ADARB1: variants seen among roughly 807,000 people sequenced by gnomAD.
The protein encoded by ADARB1 is adenosine deaminase RNA specific B1, also known as double-stranded RNA-specific editase 1.
In ADARB1, 10 loss-of-function variants were observed where a neutral mutation model predicts 52.4. The observed-to-expected ratio is 0.19, with a 90% confidence interval of 0.12 to 0.32. ADARB1 has a LOEUF of 0.32. ADARB1 is among the 10% of genes least tolerant of loss of function. The pLI is 1.00. For missense variants in ADARB1, 643 were observed against 922.3 expected (o/e 0.70, Z 3.92); for synonymous variants, 349 against 371.1 (o/e 0.94, Z 0.68).
intron 1 of ADARB1, among the ~76,000 whole-genome samples, chr21:45,098,272 C>G (rs1008713539): frequency 6.6e-6 from 1 of 151,858 alleles, no homozygotes; most frequent in Non-Finnish European, 1.5e-5. Flanking sequence ...CCATCTGTCT[C>G]CAGATCCCTT....
chr21:45,124,874 T>G (rs2088481086), intron 1 of ADARB1, among the ~76,000 whole-genome samples: 1 of 151,370 alleles, frequency 6.6e-6, no homozygotes, highest in Non-Finnish European at 1.5e-5. Context: ...CTCAGCTCAC[T>G]GCAGCCTCGA....
At chr21:45,130,388 T>C (rs576210936) in intron 2 of ADARB1, among the ~76,000 whole-genome samples, 20 of 152,330 alleles carry the variant, frequency 1.3e-4, no homozygotes, top group African/African-American at 4.8e-4. Flanking sequence ...AAGCATGTGC[T>C]GAGAAAGCAA....
rs1217472144 is a variant in ADARB1, at chr21:45,142,683, G to A, written c.-48+14110G>A. On this transcript the variant is annotated intron_variant, in intron 2 of 10. Coordinates refer to ENST00000348831, the MANE Select transcript of ADARB1 (RefSeq NM_001112.4). The surrounding 1 kb of genome is among the most constrained non-coding windows in gnomAD (Gnocchi z 4.0). Reference sequence around the variant, plus strand: ...GGCTGCTCCCCATGAGGTGGTGGGAGCCGTGTGGGATCTGCCTACTGGGTG... The same window carrying A: ...GGCTGCTCCCCATGAGGTGGTGGGAACCGTGTGGGATCTGCCTACTGGGTG... 6.6e-6 allele frequency among the ~76,000 whole-genome samples: 1 copy of A among 152,190 alleles called. No individual in the cohort carries two copies. The highest frequency in any genetic ancestry group is 2.4e-5 in the African/African-American group (1 of 41,462).
intron 2 of ADARB1, among the ~76,000 whole-genome samples, chr21:45,149,362 C>G (rs922531591): frequency 1.3e-5 from 2 of 152,256 alleles, no homozygotes; most frequent in African/African-American, 4.8e-5. Context: ...TGGGGGCACT[C>G]AGGTGGCCCT....
At chr21:45,084,526 T>C (rs2086266745) in intron 1 of ADARB1, among the ~76,000 whole-genome samples, 1 of 152,218 alleles carries the variant, frequency 6.6e-6, no homozygotes, top group Non-Finnish European at 1.5e-5. Flanking sequence ...ATTGATCCCT[T>C]TCTCTGTTTC....
chr21:45,078,192 G>T (rs1482905611), intron 1 of ADARB1, among the ~76,000 whole-genome samples: 6 of 152,194 alleles, frequency 3.9e-5, no homozygotes, highest in Admixed American at 3.9e-4. Context: ...CAGGAAGGGG[G>T]ATGAAAGTAA....
intron 2 of ADARB1, among the ~76,000 whole-genome samples, chr21:45,156,217 A>ATCTG (rs2090601449): frequency 6.7e-6 from 1 of 148,446 alleles, no homozygotes; most frequent in Non-Finnish European, 1.5e-5. Flanking sequence ...CCATCCATCC[A>ATCTG]CCCACCCACC....
At chr21:45,075,042 C>T (rs1289402826) in intron 1 of ADARB1, among the ~76,000 whole-genome samples, 3 of 150,674 alleles carry the variant, frequency 2.0e-5, no homozygotes, top group Non-Finnish European at 3.0e-5. Flanking sequence ...CCCGCGTCCC[C>T]TCCCGAGGGC....
In ADARB1 at chr21:45,221,105, A is replaced by G. The variant is rs1300571756; in HGVS notation, c.1926+91A>G. On this transcript the variant is annotated intron_variant, in intron 10 of 10. Coordinates refer to ENST00000348831, the MANE Select transcript of ADARB1 (RefSeq NM_001112.4). This position sits in a 1 kb window ranked among gnomAD's most constrained non-coding sequence, Gnocchi z 4.9. ...CTACTGTTCCTTAAGTTGTTTCATCATGTCATCATGCACAGCTTCCGAAAA... is the reference window on the plus strand; with the variant it reads ...CTACTGTTCCTTAAGTTGTTTCATCGTGTCATCATGCACAGCTTCCGAAAA... 4.4e-6 allele frequency: 6 copies of G among 1,373,420 alleles called. No homozygotes were observed. The Admixed American group carries it at 6.7e-5, about 15-fold the overall frequency. The allele number at this position is 1,373,420 out of a possible 1,614,324, so 85.1% of individuals were successfully genotyped here.
At chr21:45,132,809 G>C (rs1240808538) in intron 2 of ADARB1, among the ~76,000 whole-genome samples, 2 of 152,210 alleles carry the variant, frequency 1.3e-5, no homozygotes, top group Non-Finnish European at 2.9e-5. Context: ...GTTCAGGAGA[G>C]TAAGATGTTA....
chr21:45,102,635 C>T (rs2087071667), intron 1 of ADARB1, among the ~76,000 whole-genome samples: 2 of 152,182 alleles, frequency 1.3e-5, no homozygotes, highest in Non-Finnish European at 2.9e-5. Flanking sequence ...AAAGAGCTCC[C>T]AGTGGCCAAA....
intron 1 of ADARB1, chr21:45,118,418 T>G (rs1373421945): frequency 1.3e-5 from 2 of 152,258 alleles, no homozygotes; most frequent in African/African-American, 4.8e-5. Flanking sequence ...AATGGATGGC[T>G]GACAGACTTC....
At chr21:45,147,755 C>G (rs2090077833) in intron 2 of ADARB1, among the ~76,000 whole-genome samples, 2 of 152,200 alleles carry the variant, frequency 1.3e-5, no homozygotes, top group Admixed American at 6.5e-5. Flanking sequence ...CCTTAGTCCC[C>G]CATCTCGCTG....
chr21:45,125,173 C>T (rs2088497640), intron 1 of ADARB1, among the ~76,000 whole-genome samples: 1 of 152,170 alleles, frequency 6.6e-6, no homozygotes, highest in African/African-American at 2.4e-5. Context: ...TTTATAAAGC[C>T]TCTTACTATA....
chr21:45,086,304 A>G (rs781503018), intron 1 of ADARB1, among the ~76,000 whole-genome samples: 2 of 152,230 alleles, frequency 1.3e-5, no homozygotes, highest in Non-Finnish European at 2.9e-5. Flanking sequence ...CGGGGAGAAA[A>G]TAAACCATAG....
At chr21:45,150,011 C>T (rs573686937) in intron 2 of ADARB1, among the ~76,000 whole-genome samples, 1 of 152,326 alleles carries the variant, frequency 6.6e-6, no homozygotes, top group South Asian at 2.1e-4. Flanking sequence ...GGGCCAGATG[C>T]GGTGGCTCAC....
In ADARB1 at chr21:45,224,637, G is replaced by T; in HGVS notation, c.*2440G>T. On this transcript the variant is annotated 3_prime_UTR_variant, in exon 11 of 11. Transcript: ENST00000348831. Reference sequence around the variant, plus strand: ...AGTTGGGTTCAGGGAGCCCTGGGCGGGGTGGCTGTCAGGGGGAACTGGGTT... The same window carrying T: ...AGTTGGGTTCAGGGAGCCCTGGGCGTGGTGGCTGTCAGGGGGAACTGGGTT... The T allele has an allele frequency of 1.1e-6, 1 of 935,768 alleles. No homozygotes were observed. The highest frequency in any genetic ancestry group is 1.3e-6 in the Non-Finnish European group (1 of 795,366). 58.0% of individuals were successfully genotyped at this position (935,768 alleles called of 1,614,324 possible). A position where few individuals can be genotyped will look rare whatever the true frequency, so the allele number is the denominator to read the frequency against.
chr21:45,171,764 G>T lies in ADARB1; in HGVS notation c.28+80G>T, dbSNP rs911371117. ...TGGTGTTTTTGCAAATGTATTTCAT[G>T]AGACCAGTGTGGGGATTGTGTTTTT... On this transcript the variant is annotated intron_variant, in intron 3 of 10. Coordinates refer to ENST00000348831, the MANE Select transcript of ADARB1 (RefSeq NM_001112.4). 2.3e-6 allele frequency: 3 copies of T among 1,333,188 alleles called. No homozygotes were observed. In the East Asian group the frequency reaches 7.2e-5, roughly 32 times the overall value. 82.6% of individuals were successfully genotyped at this position (1,333,188 alleles called of 1,614,324 possible).
intron 6 of ADARB1, 55 bp downstream of exon 6, chr21:45,182,808 A>G (rs150654212): frequency 2.1e-6 from 3 of 1,418,670 alleles, no homozygotes; most frequent in Non-Finnish European, 2.8e-6. Flanking sequence ...ATATTCCTCT[A>G]TTAGAAAACA....
Sources: gnomAD v4.1 joint callset for allele counts (sites outside exome capture counted in the v4.1 genomes callset) on GRCh38, gnomAD v4.1.1 for gene constraint, Gnocchi (gnomAD v3.1) non-coding constraint, MANE v1.5 for transcripts, NCBI Gene and HGNC (gene_info 2026-07-23, HGNC 2026-07-21) for gene names.